PMP22: variants seen among roughly 807,000 people sequenced by gnomAD.
PMP22 encodes the protein Charcot-Marie-Tooth neuropathy 1A (greatly reduced nerve conduction velocity, hereditary motor sensory neuropathy Ia).
A neutral mutation model predicts 18.9 loss-of-function variants in PMP22; 2 were observed. The ratio of observed to expected loss-of-function variants is 0.11; its 90% CI spans 0.04 to 0.33. The LOEUF is 0.33. PMP22 is among the 10% of genes least tolerant of loss of function. PMP22 has a pLI of 1.00. For missense variants in PMP22, 169 were observed against 202.2 expected, an observed-to-expected ratio of 0.84 and a Z score of 1.00; for synonymous variants, 95 against 89.2, an observed-to-expected ratio of 1.07 and a Z score of -0.37.
chr17:15,233,777 CGA>C (rs1467759470), intron 4 of PMP22, among the ~76,000 whole-genome samples: 7 of 152,094 alleles, frequency 4.6e-5, no homozygotes, highest in Non-Finnish European at 1.0e-4. Context: ...GATGGAATTT[CGA>C]GAGAGGGAAG....
intron 3 of PMP22, among the ~76,000 whole-genome samples, chr17:15,242,287 T>C (rs1907409501): frequency 6.8e-6 from 1 of 147,774 alleles, no homozygotes; most frequent in South Asian, 2.1e-4. Context: ...AGAGACATTG[T>C]AGCTATATTC....
Position 15,260,589 on chromosome 17 carries a change from G to T in PMP22, c.78+61C>A, listed in dbSNP as rs1401826262. The T allele has an allele frequency of 3.4e-5, 46 of 1,363,032 alleles. No homozygotes were observed. The Middle Eastern group carries it at 8.3e-4, about 24-fold the overall frequency. 84.4% of individuals were successfully genotyped at this position (1,363,032 alleles called of 1,614,324 possible). ...ACAGTCCTGAACCAGCAGGAGCACG[G>T]GCTGGGAACCCAGATGGGGAAGGGC... On this transcript the variant is annotated intron_variant, in intron 2 of 4. Coordinates refer to ENST00000312280, the MANE Select transcript of PMP22 (RefSeq NM_000304.4).
intron 1 of PMP22, among the ~76,000 whole-genome samples, chr17:15,264,693 C>T (rs1395689247): frequency 6.6e-6 from 1 of 152,200 alleles, no homozygotes; most frequent in Non-Finnish European, 1.5e-5. Flanking sequence ...ATCTGTCCCT[C>T]ACTGCCTCTG....
intron 1 of PMP22, among the ~76,000 whole-genome samples, chr17:15,262,956 A>C (rs1909460627): frequency 6.6e-6 from 1 of 152,172 alleles, no homozygotes; most frequent in Non-Finnish European, 1.5e-5. Flanking sequence ...CTGAGGCTGG[A>C]TTCCTTTCCC....
intron 4 of PMP22, 51 bp from the exon 5 acceptor site, chr17:15,231,131 G>C: frequency 6.3e-7 from 1 of 1,584,076 alleles, no homozygotes. Flanking sequence ...TGGCAGAGCG[G>C]CCCCCTCTCC....
intron 4 of PMP22, among the ~76,000 whole-genome samples, chr17:15,238,077 T>C (rs1906966389): frequency 1.3e-5 from 2 of 152,250 alleles, no homozygotes; most frequent in Middle Eastern, 6.8e-3. Context: ...AACTCTTCAC[T>C]TTAACGTACC....
Position 15,261,036 on chromosome 17 carries a change from TA to T in PMP22, c.-34-276del. ...AAACAAAACAAGCGGTTCGCACGTCTAAAACCACCCAGGGAACGGAGGGGTT... is the reference window on the plus strand; with the variant it reads ...AAACAAAACAAGCGGTTCGCACGTCTAAACCACCCAGGGAACGGAGGGGTT... On this transcript the variant is annotated intron_variant, in intron 1 of 4. Transcript: ENST00000312280. The surrounding 1 kb of genome is among the most constrained non-coding windows in gnomAD (Gnocchi z 5.2). The T allele has an allele frequency of 4.7e-6, 1 of 211,530 alleles. No homozygotes were observed. The highest frequency in any genetic ancestry group is 9.1e-6 in the Non-Finnish European group (1 of 109,844). The allele number at this position is 211,530 out of a possible 1,614,324, so 13.1% of individuals were successfully genotyped here.
intron 3 of PMP22, among the ~76,000 whole-genome samples, chr17:15,240,196 G>A (rs1907199277): frequency 6.6e-6 from 1 of 152,140 alleles, no homozygotes; most frequent in Non-Finnish European, 1.5e-5. Context: ...GCCCTCAGGG[G>A]TCTTTGAAGG....
At chr17:15,264,080 A>T (rs1909546479) in intron 1 of PMP22, among the ~76,000 whole-genome samples, 1 of 151,972 alleles carries the variant, frequency 6.6e-6, no homozygotes, top group African/African-American at 2.4e-5. Flanking sequence ...AGCAGTTAAC[A>T]TCGTGTCTGC....
intron 3 of PMP22, among the ~76,000 whole-genome samples, chr17:15,249,900 C>T (rs1908173364): frequency 6.6e-6 from 1 of 152,138 alleles, no homozygotes; most frequent in Admixed American, 6.5e-5. Flanking sequence ...AAAAGAGGGG[C>T]AGTGTTGGGT....
chr17:15,241,994 T>C (rs1220989798), intron 3 of PMP22, among the ~76,000 whole-genome samples: 1 of 152,090 alleles, frequency 6.6e-6, no homozygotes, highest in Non-Finnish European at 1.5e-5. Context: ...AATTTTATCT[T>C]TGATTAAGAC....
intron 4 of PMP22, among the ~76,000 whole-genome samples, chr17:15,239,082 G>A (rs12938773): frequency 1.4e-4 from 21 of 152,180 alleles, no homozygotes; most frequent in Non-Finnish European, 2.4e-4. Context: ...TTTTCTGGAG[G>A]CATAATGTAA....
chr17:15,239,714 C>G lies in PMP22; in HGVS notation c.179-103G>C, dbSNP rs1378115467. The G allele has an allele frequency of 9.0e-6, 10 of 1,105,756 alleles. No individual in the cohort carries two copies. In the Admixed American group the frequency reaches 1.1e-4, roughly 12 times the overall value. 68.5% of individuals were successfully genotyped at this position (1,105,756 alleles called of 1,614,324 possible). On this transcript the variant is annotated intron_variant, in intron 3 of 4. Transcript: ENST00000312280. ...GGGCCATGACTGCTGACAGCACAGT[C>G]CTCACAGGCAGCAGAAGCAGAAGTC...
Position 15,235,208 on chromosome 17 carries a change from G to A in PMP22, c.320-4128C>T, listed in dbSNP as rs1906692456. 16 of 717,442 alleles carry A rather than the reference G, an allele frequency of 2.2e-5. No homozygotes were observed. The East Asian group carries it at 4.3e-4, about 19-fold the overall frequency. 44.4% of individuals were successfully genotyped at this position (717,442 alleles called of 1,614,324 possible). ...CAACAATAACAAAAAGAGAGAGAAA[G>A]TGAAACTCACTCAGGAGTCCCCTCT... is the stretch of plus-strand genomic sequence containing the variant. On this transcript the variant is annotated intron_variant, in intron 4 of 4. Coordinates refer to ENST00000312280, the MANE Select transcript of PMP22 (RefSeq NM_000304.4).
At chr17:15,231,651 C>A (rs994867974) in intron 4 of PMP22, among the ~76,000 whole-genome samples, 1 of 152,094 alleles carries the variant, frequency 6.6e-6, no homozygotes, top group Non-Finnish European at 1.5e-5. Context: ...GCCAAACAGA[C>A]AAAGAAATGT....
At chr17:15,236,057 G>A (rs867172446) in intron 4 of PMP22, among the ~76,000 whole-genome samples, 5 of 149,862 alleles carry the variant, frequency 3.3e-5, no homozygotes, top group South Asian at 2.1e-4. Context: ...ACTGCGCCCC[G>A]CCCACTGTCT....
chr17:15,257,791 C>A (rs951684977), intron 3 of PMP22, among the ~76,000 whole-genome samples: 1 of 152,210 alleles, frequency 6.6e-6, no homozygotes, highest in Non-Finnish European at 1.5e-5. Flanking sequence ...GGACTGGGAC[C>A]TTTTCTCTGC....
rs764448044 is a variant in PMP22 at position 15,239,193 on chromosome 17, G to A, written c.319+278C>T. On this transcript the variant is annotated intron_variant, in intron 4 of 4. Transcript: ENST00000312280. The stretch of plus-strand genomic sequence containing the variant: ...ATTGCAGTTTCATTCCTGTTGATAC[G>A]CCTGGCTTGGGTGGGGACCTTCCTT... The A allele has an allele frequency of 3.5e-4, 211 of 604,526 alleles. 1 individual carries two copies. Among genetic ancestry groups the A allele is most frequent in the Non-Finnish European group, 4.7e-4 (160 of 341,016 alleles). 37.4% of individuals were successfully genotyped at this position (604,526 alleles called of 1,614,324 possible). A position where few individuals can be genotyped will look rare whatever the true frequency, so the allele number is the denominator to read the frequency against.
At chr17:15,231,188 C>T (rs1227406230) in intron 4 of PMP22, 108 bp from the exon 5 acceptor site, 4 of 1,102,228 alleles carry the variant, frequency 3.6e-6, no homozygotes, top group African/African-American at 1.5e-5. Flanking sequence ...ACATTTCTAC[C>T]TCTGGAAGGA....
Sources: gnomAD v4.1 joint callset for allele counts (sites outside exome capture counted in the v4.1 genomes callset) on GRCh38, gnomAD v4.1.1 for gene constraint, Gnocchi (gnomAD v3.1) non-coding constraint, MANE v1.5 for transcripts, NCBI Gene and HGNC (gene_info 2026-07-23, HGNC 2026-07-21) for gene names.